PARD3B: variants seen among roughly 807,000 people sequenced by gnomAD.
PARD3B encodes the protein par-3 family cell polarity regulator beta.
PARD3B carries 103 observed loss-of-function variants against 130.2 expected under a neutral mutation model. The ratio of observed to expected loss-of-function variants is 0.79; its 90% CI spans 0.67 to 0.93. PARD3B has a LOEUF of 0.93. PARD3B is among the 40% of genes least tolerant of loss of function. The probability of loss-of-function intolerance (pLI) is 0.00; values close to 1 mark genes in which losing one functional copy is unlikely to be tolerated. For missense variants in PARD3B, 1,609 were observed against 1,499.2 expected (o/e 1.07, Z -1.21); for synonymous variants, 583 against 553.2 (o/e 1.05, Z -0.76).
At chr2:204,713,756 T>C (rs2125304939) in intron 2 of PARD3B, among the ~76,000 whole-genome samples, 1 of 152,316 alleles carries the variant, frequency 6.6e-6, no homozygotes, top group African/African-American at 2.4e-5. Context: ...TATATAAGGC[T>C]GAATAATAGT....
At chr2:204,684,014 G>C (rs930427084) in intron 1 of PARD3B, among the ~76,000 whole-genome samples, 3 of 152,148 alleles carry the variant, frequency 2.0e-5, no homozygotes, top group African/African-American at 7.2e-5. Context: ...ACCCCATCTT[G>C]CTGCCATTTG....
At chr2:205,471,957 A>G (rs751645577) in intron 20 of PARD3B, among the ~76,000 whole-genome samples, 4 of 152,184 alleles carry the variant, frequency 2.6e-5, no homozygotes, top group Non-Finnish European at 5.9e-5. Flanking sequence ...CTAGAGAAGC[A>G]GGGCTTACCA....
chr2:204,891,061 AAC>A (rs746944791), intron 2 of PARD3B, among the ~76,000 whole-genome samples: 1 of 152,000 alleles, frequency 6.6e-6, no homozygotes, highest in African/African-American at 2.4e-5. Flanking sequence ...TATGGCATCA[AAC>A]TGTATTATAT....
At chr2:205,583,198 G>T (rs1239527800) in intron 22 of PARD3B, among the ~76,000 whole-genome samples, 1 of 152,206 alleles carries the variant, frequency 6.6e-6, no homozygotes, top group Non-Finnish European at 1.5e-5. Flanking sequence ...AAGTACGCAG[G>T]CACTGCCTGT....
rs183556937 is a variant in PARD3B, at chr2:204,814,912, T to C, written c.222+128630T>C. 3.6e-3 allele frequency among the ~76,000 whole-genome samples: 542 copies of C among 152,064 alleles called. 2 individuals are homozygous for C. Among genetic ancestry groups the C allele is most frequent in the African/African-American group, 0.012 (493 of 41,556 alleles). On this transcript the variant is annotated intron_variant, in intron 2 of 22. Coordinates refer to ENST00000406610, the MANE Select transcript of PARD3B (RefSeq NM_001302769.2). ...ATGTTAAATCATCCTTCAGTACAAG[T>C]AAAATTGTAATAAGTTCCACTTAGT...
intron 2 of PARD3B, among the ~76,000 whole-genome samples, chr2:204,964,756 T>A (rs1407913041): frequency 6.6e-6 from 1 of 152,168 alleles, no homozygotes; most frequent in South Asian, 2.1e-4. Flanking sequence ...CTATACTATT[T>A]AAGTCTATTA....
At chr2:204,589,140 C>G (rs756685397) in intron 1 of PARD3B, among the ~76,000 whole-genome samples, 1 of 152,082 alleles carries the variant, frequency 6.6e-6, no homozygotes, top group Non-Finnish European at 1.5e-5. Flanking sequence ...GCTGTATATA[C>G]CTGGAATTAT....
intron 1 of PARD3B, among the ~76,000 whole-genome samples, chr2:204,656,334 CAGATAT>C (rs754528901): frequency 2.5e-4 from 38 of 151,550 alleles, no homozygotes; most frequent in Middle Eastern, 6.8e-3. Flanking sequence ...GCATTGAATA[CAGATAT>C]ATGGAAGGTT....
chr2:205,442,855 G>T (rs1575035727), intron 20 of PARD3B, among the ~76,000 whole-genome samples: 1 of 152,022 alleles, frequency 6.6e-6, no homozygotes. Flanking sequence ...AAAAATTATT[G>T]ACTGCCCAGT....
rs2054160280 is a variant in PARD3B, at chr2:205,585,393, C to T, written c.3261-30063C>T. 6.6e-6 allele frequency among the ~76,000 whole-genome samples: 1 copy of T among 152,098 alleles called. No individual in the cohort carries two copies. On this transcript the variant is annotated intron_variant, in intron 22 of 22. Coordinates refer to ENST00000406610, the MANE Select transcript of PARD3B (RefSeq NM_001302769.2). This position sits in a 1 kb window ranked among gnomAD's most constrained non-coding sequence, Gnocchi z 5.4. ...AAAAATGATGGAGTGTGAGAGAATCCCCAGGGACCCTTTGGTAAATAGTAG... is the reference window on the plus strand; with the variant it reads ...AAAAATGATGGAGTGTGAGAGAATCTCCAGGGACCCTTTGGTAAATAGTAG...
Position 204,592,173 on chromosome 2 carries a change from G to A in PARD3B, c.120+46054G>A, listed in dbSNP as rs529714068. 3.9e-5 allele frequency among the ~76,000 whole-genome samples: 6 copies of A among 152,342 alleles called. No individual in the cohort carries two copies. The East Asian group carries it at 5.8e-4, about 15-fold the overall frequency. The stretch of plus-strand genomic sequence containing the variant: ...GGCCAAAGGTCTGAGGGGACCAACC[G>A]CATCAATTTAGGAAACTAGAGTACT... On this transcript the variant is annotated intron_variant, in intron 1 of 22. Transcript: ENST00000406610.
chr2:204,856,498 T>C (rs972845396), intron 2 of PARD3B, among the ~76,000 whole-genome samples: 1 of 152,162 alleles, frequency 6.6e-6, no homozygotes, highest in Non-Finnish European at 1.5e-5. Flanking sequence ...GTATCTTCAC[T>C]CTGTTAACTG....
intron 16 of PARD3B, among the ~76,000 whole-genome samples, chr2:205,255,399 T>C (rs1171765285): frequency 6.6e-6 from 1 of 152,054 alleles, no homozygotes; most frequent in African/African-American, 2.4e-5. Context: ...CCAAAATGTG[T>C]ATGGTTTTTC....
At position 205,531,157 on chromosome 2, in the gene PARD3B, TA is replaced by T. The variant is rs144885649; in HGVS notation, c.3181-22165del. ...GAAGGGACTCAGGTTTTTTTCACCATAATTTATACTAATTAGTCTTTCCACT... is the reference window on the plus strand; with the variant it reads ...GAAGGGACTCAGGTTTTTTTCACCATATTTATACTAATTAGTCTTTCCACT... On this transcript the variant is annotated intron_variant, in intron 21 of 22. Transcript: ENST00000406610. 1.3e-3 allele frequency among the ~76,000 whole-genome samples: 202 copies of T among 152,334 alleles called. 2 individuals are homozygous for T. The highest frequency in any genetic ancestry group is 4.6e-3 in the African/African-American group (191 of 41,584).
At chr2:204,682,634 C>G (rs146905028) in intron 1 of PARD3B, among the ~76,000 whole-genome samples, 5 of 152,170 alleles carry the variant, frequency 3.3e-5, no homozygotes, top group Non-Finnish European at 7.3e-5. Flanking sequence ...AACTGTAATT[C>G]ATGTAGCCCC....
intron 2 of PARD3B, among the ~76,000 whole-genome samples, chr2:204,903,142 A>G (rs574593197): frequency 2.0e-5 from 3 of 152,372 alleles, no homozygotes; most frequent in Admixed American, 6.5e-5. Flanking sequence ...TTAAGTGGGT[A>G]CTTACATTTT....
intron 2 of PARD3B, among the ~76,000 whole-genome samples, chr2:204,905,027 G>A (rs1457011927): frequency 6.6e-6 from 1 of 152,130 alleles, no homozygotes; most frequent in East Asian, 1.9e-4. Flanking sequence ...ACTAGGCTTT[G>A]GAATAAGATA....
chr2:205,612,769 C>T lies in PARD3B; in HGVS notation c.3261-2687C>T, dbSNP rs980648095. Among the ~76,000 whole-genome samples the T allele has an allele frequency of 5.3e-5, 8 of 152,296 alleles. No individual in the cohort carries two copies. The East Asian group carries it at 1.5e-3, about 29-fold the overall frequency. ...TACCTCTCTTGCTTTCTGCCACATACAAGCAAACTCCCAGACATAAAACCT... is the reference window on the plus strand; with the variant it reads ...TACCTCTCTTGCTTTCTGCCACATATAAGCAAACTCCCAGACATAAAACCT... On this transcript the variant is annotated intron_variant, in intron 22 of 22. Coordinates refer to ENST00000406610, the MANE Select transcript of PARD3B (RefSeq NM_001302769.2).
chr2:204,573,773 C>T (rs938606866), intron 1 of PARD3B, among the ~76,000 whole-genome samples: 5 of 152,160 alleles, frequency 3.3e-5, no homozygotes, highest in Non-Finnish European at 7.3e-5. Context: ...CCAGCAAAGA[C>T]TGTTTTCTTT....
Sources: allele counts gnomAD v4.1 joint callset (sites outside exome capture counted in the v4.1 genomes callset), GRCh38; gene constraint gnomAD v4.1.1; non-coding constraint Gnocchi (gnomAD v3.1); transcripts MANE v1.5; gene names NCBI Gene and HGNC (gene_info 2026-07-23, HGNC 2026-07-21).